The following C17orf99 variants were observed in gnomAD, a reference collection of about 807,000 sequenced individuals.
C17orf99 encodes chromosome 17 open reading frame 99.
A neutral mutation model predicts 22.6 loss-of-function variants in C17orf99; 18 were observed. That is an observed-to-expected ratio of 0.80 (90% CI 0.55 to 1.18). The LOEUF is 1.18. Ranked by LOEUF, C17orf99 falls within the 50% of genes most tolerant of loss-of-function variation. C17orf99 has a pLI of 0.00. For synonymous variants in C17orf99, 147 were observed against 136.6 expected, an observed-to-expected ratio of 1.08 and a Z score of -0.53; for missense variants, 328 against 342.7, an observed-to-expected ratio of 0.96 and a Z score of 0.34.
upstream of C17orf99, chr17:78,146,339 TC>T: frequency 6.8e-7 from 1 of 1,460,586 alleles, no homozygotes; most frequent in Non-Finnish European, 9.3e-7. The surrounding 1 kb of genome is among the most constrained non-coding windows in gnomAD (Gnocchi z 5.2). Context: ...CCCAGGGGCC[TC>T]AGGGTGGGGG....
intron 3 of C17orf99, among the ~76,000 whole-genome samples, chr17:78,162,245 C>T (rs984273959): frequency 2.7e-5 from 4 of 147,980 alleles, no homozygotes; most frequent in Non-Finnish European, 5.9e-5. Context: ...TGCTGCATGC[C>T]AGCCTGGGTG....
chr17:78,162,911 G>A (rs142727922), intron 3 of C17orf99, among the ~76,000 whole-genome samples: 5 of 152,002 alleles, frequency 3.3e-5, no homozygotes, highest in African/African-American at 7.2e-5. Context: ...TCAGCCTCCC[G>A]AGTAGCTGGG....
intron 2 of C17orf99, among the ~76,000 whole-genome samples, chr17:78,154,825 G>C (rs928624603): frequency 3.3e-5 from 5 of 152,076 alleles, no homozygotes; most frequent in Non-Finnish European, 4.4e-5. Flanking sequence ...CTGGGTAACA[G>C]AGTGAGACTC....
At chr17:78,156,893 G>A (rs965236597) in intron 2 of C17orf99, among the ~76,000 whole-genome samples, 3 of 144,212 alleles carry the variant, frequency 2.1e-5, no homozygotes, top group East Asian at 1.9e-4. Context: ...GATTCCAGGC[G>A]CAGTGGCCAC....
chr17:78,165,237 CTTTG>C (rs2075609089), intron 4 of C17orf99: 12 of 988,864 alleles, frequency 1.2e-5, no homozygotes, highest in Non-Finnish European at 1.4e-5. Context: ...ACTCATCTCT[CTTTG>C]TTTGGGAGAC....
chr17:78,153,032 G>A (rs1277518717), intron 2 of C17orf99, among the ~76,000 whole-genome samples: 3 of 151,858 alleles, frequency 2.0e-5, no homozygotes, highest in Non-Finnish European at 2.9e-5. Context: ...AGTGAATTGA[G>A]ATCGTGCCGC....
chr17:78,165,307 T>A, intron 4 of C17orf99: 1 of 985,938 alleles, frequency 1.0e-6, no homozygotes, highest in African/African-American at 1.7e-5. Flanking sequence ...TACGTGGCTC[T>A]ACCAGGAGTC....
intron 4 of C17orf99, chr17:78,164,871 C>T (rs1379155072): frequency 1.9e-5 from 23 of 1,182,866 alleles, no homozygotes; most frequent in Non-Finnish European, 2.2e-5. Context: ...CTTACACATT[C>T]AAGGCGTTAT....
chr17:78,162,948 C>T, intron 3 of C17orf99, among the ~76,000 whole-genome samples: 1 of 152,052 alleles, frequency 6.6e-6, no homozygotes. Context: ...CCCATGCCGG[C>T]TAATTTTTGT....
At chr17:78,157,370 A>G in intron 2 of C17orf99, 15 of 1,062,686 alleles carry the variant, frequency 1.4e-5, no homozygotes, top group Non-Finnish European at 1.8e-5. Context: ...GCTCACAGCC[A>G]GTGGACAGGG....
At chr17:78,164,010 C>T in intron 3 of C17orf99, 85 bp from the exon 4 acceptor site, 1 of 1,180,620 alleles carries the variant, frequency 8.5e-7, no homozygotes, top group Non-Finnish European at 1.2e-6. Context: ...GCTCATTAGG[C>T]ATTTTGTAAT....
chr17:78,156,115 A>G (rs1170933912), intron 2 of C17orf99, among the ~76,000 whole-genome samples: 5 of 151,070 alleles, frequency 3.3e-5, no homozygotes, highest in African/African-American at 9.7e-5. Flanking sequence ...GGATCACCTG[A>G]GGTCAAGAGT....
intron 4 of C17orf99, chr17:78,164,714 A>G (rs2075605164): frequency 1.5e-6 from 2 of 1,355,358 alleles, no homozygotes; most frequent in African/African-American, 1.5e-5. Context: ...TGATGGCCTG[A>G]GAGGTCCAAC....
At chr17:78,165,756 C>T (rs1455525545) in intron 4 of C17orf99, 133 bp from the exon 5 acceptor site, 9 of 1,212,726 alleles carry the variant, frequency 7.4e-6, no homozygotes, top group South Asian at 3.8e-5. Flanking sequence ...GAGCCGAGAT[C>T]GTGCCATTGC....
intron 2 of C17orf99, among the ~76,000 whole-genome samples, chr17:78,153,498 A>AG (rs1443588690): frequency 1.3e-5 from 2 of 152,004 alleles, no homozygotes; most frequent in African/African-American, 4.8e-5. Flanking sequence ...AAAAGAAAAA[A>AG]AAAAGTGAAT....
chr17:78,146,342 G>A (rs1173140884), upstream of C17orf99: 2 of 1,465,804 alleles, frequency 1.4e-6, no homozygotes, highest in African/African-American at 2.8e-5. This position sits in a 1 kb window ranked among gnomAD's most constrained non-coding sequence, Gnocchi z 5.2. Flanking sequence ...AGGGGCCTCA[G>A]GGTGGGGGAG....
intron 2 of C17orf99, chr17:78,157,834 TG>T: frequency 2.1e-6 from 2 of 946,838 alleles, no homozygotes; most frequent in Non-Finnish European, 3.3e-6. Context: ...AGAATGGCTT[TG>T]TGGTACTCAA....
rs572209142 is a variant in C17orf99, at chr17:78,165,825, C to T, written c.641-64C>T. ...CTCAAAACAAACGAACACTCTCAGA[C>T]GCCTCGGGAGGGGATGGCTGGGAGG... On this transcript the variant is annotated intron_variant, in intron 4 of 4. Transcript: ENST00000340363. The T allele has an allele frequency of 3.8e-3, 4,799 of 1,278,712 alleles. 11 individuals are homozygous for T. Among genetic ancestry groups the T allele is most frequent in the Non-Finnish European group, 4.2e-3 (4,159 of 1,001,234 alleles). The allele number at this position is 1,278,712 out of a possible 1,614,324, so 79.2% of individuals were successfully genotyped here. A position where few individuals can be genotyped will look rare whatever the true frequency, so the allele number is the denominator to read the frequency against.
At chr17:78,151,561 G>C (rs939754706) in intron 2 of C17orf99, among the ~76,000 whole-genome samples, 1 of 152,042 alleles carries the variant, frequency 6.6e-6, no homozygotes, top group Non-Finnish European at 1.5e-5. Flanking sequence ...GTCCTCCCAA[G>C]GCCCCGCGGG....
Sources: gnomAD v4.1 joint callset for allele counts (sites outside exome capture counted in the v4.1 genomes callset) on GRCh38, gnomAD v4.1.1 for gene constraint, Gnocchi (gnomAD v3.1) non-coding constraint, MANE v1.5 for transcripts, NCBI Gene and HGNC (gene_info 2026-07-23, HGNC 2026-07-21) for gene names.